The following MAPK12 variants were observed in gnomAD, a reference collection of about 807,000 sequenced individuals.
MAPK12 encodes the protein MAP kinase 12.
Under a neutral mutation model 49.1 loss-of-function variants are expected in MAPK12, and 49 were observed. The ratio of observed to expected loss-of-function variants is 1.00; its 90% CI spans 0.79 to 1.27. The LOEUF (loss-of-function observed/expected upper bound fraction) is 1.27. Among genes scored for constraint, MAPK12 ranks in the 50% most tolerant of loss-of-function variants. The probability of loss-of-function intolerance (pLI) is 0.00; values close to 1 mark genes in which losing one functional copy is unlikely to be tolerated. For missense variants in MAPK12, 554 were observed against 502.4 expected (o/e 1.10, Z -0.98); for synonymous variants, 251 against 209.7 (o/e 1.20, Z -1.70).
intron 2 of MAPK12, among the ~76,000 whole-genome samples, chr22:50,260,573 G>A (rs2065201380): frequency 6.6e-6 from 1 of 152,186 alleles, no homozygotes; most frequent in African/African-American, 2.4e-5. Context: ...ACGCACAGGA[G>A]GGTGTCTGTG....
rs2065213688 is a variant in MAPK12, at chr22:50,261,490, G to T, written c.20C>A (p.Ala7Asp). 1 of 1,254,790 alleles carries T rather than the reference G, an allele frequency of 8.0e-7. No homozygotes were observed. The allele number at this position is 1,254,790 out of a possible 1,614,324, so 77.7% of individuals were successfully genotyped here. A position where few individuals can be genotyped will look rare whatever the true frequency, so the allele number is the denominator to read the frequency against. Residue 7 changes from alanine (A) to aspartate (D), a missense_variant, in exon 1 of 12, where the codon GCC becomes GAC. By Grantham distance (126) the Ala-to-Asp change is moderately radical. Transcript: ENST00000215659. Reference sequence around the variant, plus strand: ...CTCCTGGCGGTAAAAGCCACTGCGGGCGGGCGGCGGAGAGCTCATGGCAGG... The same window carrying T: ...CTCCTGGCGGTAAAAGCCACTGCGGTCGGGCGGCGGAGAGCTCATGGCAGG... MSSPPP[A>D]RSGFYRQEVT...
Position 50,253,485 on chromosome 22 carries a change from C to CGGG in MAPK12, c.1025-8_1025-6dup. ...GCACCTCTTTGTAAGTAACACCTGG[C>CGGG]GGGGGTGGGGGGGCGGGCACAACAG... On this transcript the variant is annotated splice_region_variant and splice_polypyrimidine_tract_variant and intron_variant, in intron 11 of 11. Coordinates refer to ENST00000215659, the MANE Select transcript of MAPK12 (RefSeq NM_002969.6). 8 of 94,164 alleles carry CGGG rather than the reference C, an allele frequency of 8.5e-5. No individual in the cohort carries two copies. Among genetic ancestry groups the CGGG allele is most frequent in the East Asian group, 4.1e-4 (1 of 2,418 alleles). The allele number at this position is 94,164 out of a possible 1,614,324, so 5.8% of individuals were successfully genotyped here. A position where few individuals can be genotyped will look rare whatever the true frequency, so the allele number is the denominator to read the frequency against.
chr22:50,255,268 T>A lies in MAPK12; in HGVS notation c.953A>T (p.Glu318Val), dbSNP rs201016559. The change falls in exon 11 of 12, where the codon GAA (glutamate) becomes GTA (valine). Residue 318 changes from glutamate (E) to valine (V), a missense_variant. Transcript: ENST00000215659. ...ATACTTCTGGACCTGGGGCTCATCT[T>A]CCGTGTCGTGCAGGGACTCGAAGTA... ...HPYFESLHDT[E>V]DEPQVQKYDD... is the part of the protein sequence containing the mutation. 1 of 1,613,756 alleles carries A rather than the reference T, an allele frequency of 6.2e-7. No homozygotes were observed. The highest frequency in any genetic ancestry group is 8.5e-7 in the Non-Finnish European group (1 of 1,180,024).
chr22:50,261,016 G>A lies in MAPK12; in HGVS notation c.255+151C>T. ...CGTCTCCCAAGGAGAGACAGGCCTTGCTCTCCTTCTCCCCTGGGGACCCAC... is the reference window on the plus strand; with the variant it reads ...CGTCTCCCAAGGAGAGACAGGCCTTACTCTCCTTCTCCCCTGGGGACCCAC... On this transcript the variant is annotated intron_variant, in intron 2 of 11. Coordinates refer to ENST00000215659, the MANE Select transcript of MAPK12 (RefSeq NM_002969.6). 9.2e-6 allele frequency: 8 copies of A among 868,274 alleles called. No individual in the cohort carries two copies. In the South Asian group the frequency reaches 1.2e-4, roughly 13 times the overall value. The allele number at this position is 868,274 out of a possible 1,614,324, so 53.8% of individuals were successfully genotyped here.
chr22:50,261,105 C>T, intron 2 of MAPK12, 62 bp downstream of exon 2: 1 of 1,466,194 alleles, frequency 6.8e-7, no homozygotes, highest in South Asian at 1.3e-5. Flanking sequence ...GTGGGGGAAC[C>T]CAGCCCAGCT....
At chr22:50,255,919 G>T (rs559973598) in intron 7 of MAPK12, 38 bp from the exon 8 acceptor site, 1 of 1,589,276 alleles carries the variant, frequency 6.3e-7, no homozygotes, top group Non-Finnish European at 8.6e-7. Context: ...TGGGCAGGGG[G>T]ACAGGATGAG....
At chr22:50,260,574 G>A (rs1344603227) in intron 2 of MAPK12, among the ~76,000 whole-genome samples, 2 of 152,158 alleles carry the variant, frequency 1.3e-5, no homozygotes, top group African/African-American at 2.4e-5. Context: ...CGCACAGGAG[G>A]GTGTCTGTGA....
chr22:50,261,098 G>C (rs2065207753), intron 2 of MAPK12, 69 bp downstream of exon 2: 1 of 1,443,234 alleles, frequency 6.9e-7, no homozygotes, highest in Non-Finnish European at 9.2e-7. Context: ...TTGCCGGGTG[G>C]GGGAACCCAG....
At chr22:50,257,557 G>A in intron 3 of MAPK12, 1 of 533,732 alleles carries the variant, frequency 1.9e-6, no homozygotes, top group Admixed American at 3.3e-5. Flanking sequence ...CACAGGCAGG[G>A]GAGGGAGGCA....
At position 50,253,346 on chromosome 22, in the gene MAPK12, C is replaced by CT. The variant is rs1444780480; in HGVS notation, c.*54dup. On this transcript the variant is annotated 3_prime_UTR_variant, in exon 12 of 12. Transcript: ENST00000215659. ...AGGTCAAGGTGGCAACGAGAGTCCCCTCTCAGGTGGAAGGTGAAGGTGGTC... is the reference window on the plus strand; with the variant it reads ...AGGTCAAGGTGGCAACGAGAGTCCCCTTCTCAGGTGGAAGGTGAAGGTGGTC... 6.8e-6 allele frequency: 9 copies of CT among 1,318,688 alleles called. No homozygotes were observed. The African/African-American group carries it at 8.8e-5, about 13-fold the overall frequency. 81.7% of individuals were successfully genotyped at this position (1,318,688 alleles called of 1,614,324 possible).
At chr22:50,260,622 C>T (rs1172531721) in intron 2 of MAPK12, among the ~76,000 whole-genome samples, 1 of 152,202 alleles carries the variant, frequency 6.6e-6, no homozygotes, top group Non-Finnish European at 1.5e-5. Context: ...AACAGCAGCT[C>T]CCTAAACCCT....
Position 50,261,444 on chromosome 22 carries a change from C to T in MAPK12, c.66G>A (p.Glu22=), listed in dbSNP as rs761370755. 7.8e-7 allele frequency: 1 copy of T among 1,279,458 alleles called. No homozygotes were observed. Among genetic ancestry groups the T allele is most frequent in the South Asian group, 1.6e-5 (1 of 62,232 alleles). 79.3% of individuals were successfully genotyped at this position (1,279,458 alleles called of 1,614,324 possible). ...GCAGGTCCCGGTACACGGCGCGCAC[C>T]TCCCAGGCCGTCTTGGTCACCTCCT... The part of the protein sequence containing the change: ...YRQEVTKTAW[E]VRAVYRDLQP... Residue 22 remains glutamate (E), a synonymous_variant, in exon 1 of 12, where the codon GAG becomes GAA. Transcript: ENST00000215659.
rs1338164513 is a variant in MAPK12, at chr22:50,261,283, C to T, written c.139G>A (p.Gly47Ser). The T allele has an allele frequency of 2.7e-6, 4 of 1,498,192 alleles. No individual in the cohort carries two copies. The highest frequency in any genetic ancestry group is 2.5e-5 in the South Asian group (2 of 79,366). 92.8% of individuals were successfully genotyped at this position (1,498,192 alleles called of 1,614,324 possible). A position where few individuals can be genotyped will look rare whatever the true frequency, so the allele number is the denominator to read the frequency against. The change falls in exon 2 of 12, where the codon GGC (glycine) becomes AGC (serine). Residue 47 changes from glycine to serine, a missense_variant. Gly to Ser is a moderately conservative substitution (Grantham distance 56). Transcript: ENST00000215659. ...ATGGCCACCTTAGCGCCGGTGCGGC[C>T]GTCCACGGCCGAGCTGCGGGGCGGA... is the stretch of plus-strand genomic sequence containing the variant. ...AYGAVCSAVD[G>S]RTGAKVAIKK... is the part of the protein sequence containing the mutation.
intron 2 of MAPK12, 79 bp downstream of exon 2, chr22:50,261,088 T>G (rs2147263733): frequency 7.2e-7 from 1 of 1,395,870 alleles, no homozygotes; most frequent in South Asian, 1.4e-5. Flanking sequence ...GGAGGAGGGG[T>G]TGCCGGGTGG....
rs1250538031 is a variant in MAPK12 at position 50,253,422 on chromosome 22, G to T, written c.1083C>A (p.Val361=). Residue 361 remains valine, a synonymous_variant, in exon 12 of 12, where the codon GTC becomes GTA. Transcript: ENST00000215659. Reference sequence around the variant, plus strand: ...ATCTTCACAGAGGCGTCTCCTTGGAGACCCTGGCCCCCAGCTGCCGGGGAG... The same window carrying T: ...ATCTTCACAGAGGCGTCTCCTTGGATACCCTGGCCCCCAGCTGCCGGGGAG... ...FKPPRQLGAR[V]SKETPL 1.4e-6 allele frequency: 2 copies of T among 1,444,578 alleles called. No homozygotes were observed. Among genetic ancestry groups the T allele is most frequent in the Non-Finnish European group, 1.8e-6 (2 of 1,082,514 alleles). The allele number at this position is 1,444,578 out of a possible 1,614,324, so 89.5% of individuals were successfully genotyped here.
rs1406366074 is a variant in MAPK12 at position 50,261,661 on chromosome 22, G to T, written c.-152C>A. ...CGGCCGCTGGGGCGCTCCCGCTCCC[G>T]GCCCTTCCCTCAGGGATGTCCCAGG... On this transcript the variant is annotated 5_prime_UTR_variant, in exon 1 of 12. Coordinates refer to ENST00000215659, the MANE Select transcript of MAPK12 (RefSeq NM_002969.6). 197 of 855,174 alleles carry T rather than the reference G, an allele frequency of 2.3e-4. 1 individual carries two copies. The highest frequency in any genetic ancestry group is 2.7e-4 in the Non-Finnish European group (190 of 711,314). The allele number at this position is 855,174 out of a possible 1,614,324, so 53.0% of individuals were successfully genotyped here. A position where few individuals can be genotyped will look rare whatever the true frequency, so the allele number is the denominator to read the frequency against.
At chr22:50,256,879 G>A (rs1394785044) in intron 5 of MAPK12, 56 bp downstream of exon 5, 1 of 1,587,300 alleles carries the variant, frequency 6.3e-7, no homozygotes, top group Non-Finnish European at 8.6e-7. Flanking sequence ...GGGACGTGGA[G>A]GCGGGGGGAT....
At position 50,255,358 on chromosome 22, in the gene MAPK12, A is replaced by G; in HGVS notation, c.863T>C (p.Leu288Pro). The change falls in exon 11 of 12, where the codon CTG (leucine) becomes CCG (proline). Residue 288 changes from leucine (L) to proline (P), a missense_variant. Transcript: ENST00000215659. The stretch of plus-strand genomic sequence containing the variant: ...CGCGTCCAGCACCAGCATCTTCTCC[A>G]GGAGGTTCACAGCTGCGGGGGAAGG... ...TNASPLAVNLLEKMLVLDAEQ... is the reference protein window; with the variant it reads ...TNASPLAVNLPEKMLVLDAEQ... The G allele has an allele frequency of 1.2e-6, 2 of 1,613,296 alleles. No homozygotes were observed. Among genetic ancestry groups the G allele is most frequent in the Non-Finnish European group, 1.7e-6 (2 of 1,179,890 alleles).
chr22:50,253,502 G>GGGGAC, intron 11 of MAPK12, 22 bp from the exon 12 acceptor site: 4 of 171,684 alleles, frequency 2.3e-5, no homozygotes, highest in Non-Finnish European at 1.1e-5. Context: ...GGGGGGGCGG[G>GGGGAC]CACAACAGAG....
Sources: gnomAD v4.1 joint callset for allele counts (sites outside exome capture counted in the v4.1 genomes callset) on GRCh38, gnomAD v4.1.1 for gene constraint, MANE v1.5 for transcripts, NCBI Gene and HGNC (gene_info 2026-07-23, HGNC 2026-07-21) for gene names.